Variants in NEBL observed in about 807,000 individuals in gnomAD.
NEBL encodes LIM and SH3 protein 2.
A neutral mutation model predicts 140.2 loss-of-function variants in NEBL; 122 were observed. The observed-to-expected ratio is 0.87, with a 90% CI of 0.75 to 1.01. The LOEUF is 1.01. Among genes scored for constraint, NEBL ranks in the 50% least tolerant of loss-of-function variants. The pLI, the probability that NEBL is intolerant of heterozygous loss-of-function variation, is 0.00. For missense variants in NEBL, 1,365 were observed against 1,231.3 expected, an observed-to-expected ratio of 1.11 and a Z score of -1.62; for synonymous variants, 436 against 398.9, an observed-to-expected ratio of 1.09 and a Z score of -1.11.
intron 2 of NEBL, among the ~76,000 whole-genome samples, chr10:21,077,060 G>C (rs986077716): frequency 6.6e-6 from 1 of 152,018 alleles, no homozygotes; most frequent in South Asian, 2.1e-4. Flanking sequence ...TTTATGTTAC[G>C]TATATCTTAC....
At chr10:21,051,579 AG>A (rs1834781513) in intron 2 of NEBL, among the ~76,000 whole-genome samples, 1 of 152,244 alleles carries the variant, frequency 6.6e-6, no homozygotes, top group African/African-American at 2.4e-5. Flanking sequence ...AAAGGAAGAA[AG>A]GAATAGAGAA....
chr10:20,911,520 C>T (rs4748733), intron 4 of NEBL, among the ~76,000 whole-genome samples: 151,918 of 152,368 alleles, frequency 1, 75,734 homozygotes, highest in Middle Eastern at 1. Flanking sequence ...ATAAAACCTA[C>T]TACCATACAC....
chr10:21,181,004 G>A (rs149191047), intron 3 of NEBL, among the ~76,000 whole-genome samples: 113 of 152,182 alleles, frequency 7.4e-4, no homozygotes, highest in African/African-American at 2.6e-3. Flanking sequence ...GCTCATATCT[G>A]TAATCCCAGC....
intron 5 of NEBL, among the ~76,000 whole-genome samples, chr10:20,874,157 T>G (rs1233479687): frequency 6.6e-6 from 1 of 152,198 alleles, no homozygotes; most frequent in Non-Finnish European, 1.5e-5. Flanking sequence ...TATCTCTTTA[T>G]TCTTTCTCAT....
chr10:21,225,016 C>T (rs1018698415), intron 3 of NEBL, among the ~76,000 whole-genome samples: 18 of 151,974 alleles, frequency 1.2e-4, no homozygotes, highest in Non-Finnish European at 2.5e-4. Flanking sequence ...TCTGGTTGCT[C>T]TAGCTAGGAC....
intron 2 of NEBL, among the ~76,000 whole-genome samples, chr10:21,071,964 G>A (rs1313134203): frequency 1.3e-5 from 2 of 152,078 alleles, no homozygotes; most frequent in African/African-American, 4.8e-5. Flanking sequence ...GACTACAGGT[G>A]CCTGCCACCA....
At chr10:21,269,656 T>C (rs1035504579) in intron 1 of NEBL, among the ~76,000 whole-genome samples, 3 of 152,246 alleles carry the variant, frequency 2.0e-5, no homozygotes, top group African/African-American at 7.2e-5. Context: ...AGTTCATTAA[T>C]GCTGAATATA....
chr10:21,126,883 G>C (rs1838860615), intron 2 of NEBL, among the ~76,000 whole-genome samples: 1 of 151,064 alleles, frequency 6.6e-6, no homozygotes. Context: ...GCTAAGGCAG[G>C]GGAATCGCTT....
intron 2 of NEBL, among the ~76,000 whole-genome samples, chr10:21,165,755 A>C (rs1040642631): frequency 6.6e-6 from 1 of 152,108 alleles, no homozygotes; most frequent in South Asian, 2.1e-4. Flanking sequence ...GCTGAGACCT[A>C]TGTGGTGACT....
chr10:20,990,280 CA>C (rs1482908604), intron 3 of NEBL, among the ~76,000 whole-genome samples: 185 of 152,316 alleles, frequency 1.2e-3, no homozygotes, highest in Admixed American at 3.3e-3. Context: ...GAAATGTTAA[CA>C]ACACTTACAG....
intron 26 of NEBL, among the ~76,000 whole-genome samples, chr10:20,801,695 T>C (rs572799389): frequency 2.6e-5 from 4 of 152,168 alleles, no homozygotes; most frequent in East Asian, 3.9e-4. Context: ...GATGGAGTTA[T>C]GGGTACCAGT....
chr10:21,154,257 G>A (rs1458544829), intron 2 of NEBL, among the ~76,000 whole-genome samples: 6 of 151,842 alleles, frequency 4.0e-5, no homozygotes, highest in African/African-American at 9.7e-5. Context: ...TCAGGAGTTC[G>A]AGACCAACCT....
At chr10:20,912,466 A>G (rs1051612750) in intron 4 of NEBL, among the ~76,000 whole-genome samples, 6 of 152,188 alleles carry the variant, frequency 3.9e-5, no homozygotes, top group African/African-American at 1.4e-4. Flanking sequence ...ACAAACAAAC[A>G]AAAACAACTT....
intron 5 of NEBL, among the ~76,000 whole-genome samples, chr10:20,879,347 A>G (rs941638984): frequency 6.6e-6 from 1 of 152,168 alleles, no homozygotes; most frequent in Admixed American, 6.5e-5. Flanking sequence ...AGTAAGTGGT[A>G]GTTATTATGA....
intron 4 of NEBL, among the ~76,000 whole-genome samples, chr10:20,932,456 G>C (rs1472518841): frequency 6.6e-6 from 1 of 152,128 alleles, no homozygotes; most frequent in Non-Finnish European, 1.5e-5. Flanking sequence ...AGAGCATTAG[G>C]ACAAACAACT....
intron 1 of NEBL, among the ~76,000 whole-genome samples, chr10:21,277,380 T>A (rs1268908021): frequency 6.6e-6 from 1 of 152,098 alleles, no homozygotes; most frequent in Non-Finnish European, 1.5e-5. Flanking sequence ...GGCTAAATTT[T>A]GTATTTTTAG....
intron 1 of NEBL, among the ~76,000 whole-genome samples, chr10:21,284,610 AAAGGAAGAGCAC>A (rs1843033639): frequency 6.6e-6 from 1 of 152,176 alleles, no homozygotes; most frequent in Admixed American, 6.5e-5. Context: ...TAGCACACAT[AAAGGAAGAGCAC>A]AAGGAGTGCT....
chr10:20,889,755 T>C, intron 3 of NEBL, 90 bp downstream of exon 3: 1 of 823,612 alleles, frequency 1.2e-6, no homozygotes. Flanking sequence ...TTTGAAAATA[T>C]TATTCTTCAT....
intron 1 of NEBL, among the ~76,000 whole-genome samples, chr10:21,274,642 T>C (rs1189999580): frequency 1.3e-5 from 2 of 152,134 alleles, no homozygotes; most frequent in Non-Finnish European, 2.9e-5. Flanking sequence ...GCCAGCCTGG[T>C]CTCGAACCCC....
Sources: gnomAD v4.1 joint callset for allele counts (sites outside exome capture counted in the v4.1 genomes callset) on GRCh38, gnomAD v4.1.1 for gene constraint, MANE v1.5 for transcripts, NCBI Gene and HGNC (gene_info 2026-07-23, HGNC 2026-07-21) for gene names.